NLGN1: variants seen among roughly 807,000 people sequenced by gnomAD.
The protein encoded by NLGN1 is neuroligin-1.
Under a neutral mutation model 65.5 loss-of-function variants are expected in NLGN1, and 12 were observed. The ratio of observed to expected loss-of-function variants is 0.18; its 90% CI spans 0.12 to 0.30. The LOEUF (loss-of-function observed/expected upper bound fraction) is 0.30. NLGN1 is among the 10% of genes least tolerant of loss of function. The pLI is 1.00. For synonymous variants in NLGN1, 350 were observed against 359.5 expected (o/e 0.97, Z 0.30); for missense variants, 750 against 1,007.1 (o/e 0.74, Z 3.46).
intron 4 of NLGN1, among the ~76,000 whole-genome samples, chr3:173,886,541 G>A (rs1734366310): frequency 6.6e-6 from 1 of 152,036 alleles, no homozygotes; most frequent in South Asian, 2.1e-4. Context: ...GCAAGCATCT[G>A]TTTGGTTCTC....
intron 3 of NLGN1, among the ~76,000 whole-genome samples, chr3:173,734,594 G>C (rs1051612156): frequency 1.3e-5 from 2 of 151,344 alleles, no homozygotes; most frequent in South Asian, 4.2e-4. Context: ...GTAGAGATGA[G>C]GTTTCACTAT....
intron 4 of NLGN1, among the ~76,000 whole-genome samples, chr3:173,812,561 C>G (rs1447704941): frequency 6.6e-6 from 1 of 151,630 alleles, no homozygotes; most frequent in Non-Finnish European, 1.5e-5. Context: ...GATTGTGTCT[C>G]TACAAAAAAT....
Position 174,261,169 on chromosome 3 carries a change from C to T in NLGN1, c.647-14146C>T, listed in dbSNP as rs1237554492. ...CTTAGGATTGCCTTGGCGATGCAGG[C>T]TCTTTTTTGGTTCCATATGAACTTT... On this transcript the variant is annotated intron_variant, in intron 4 of 6. Transcript: ENST00000457714. Among the ~76,000 whole-genome samples the T allele has an allele frequency of 1.4e-4, 22 of 152,136 alleles. No individual in the cohort carries two copies. The East Asian group carries it at 3.3e-3, about 23-fold the overall frequency.
chr3:173,993,348 A>G (rs554511917), intron 4 of NLGN1, among the ~76,000 whole-genome samples: 2 of 152,210 alleles, frequency 1.3e-5, no homozygotes, highest in Non-Finnish European at 2.9e-5. Flanking sequence ...AAGACATGCC[A>G]TGTGTGCACT....
intron 4 of NLGN1, among the ~76,000 whole-genome samples, chr3:174,201,299 A>C (rs1577334829): frequency 9.1e-6 from 1 of 109,856 alleles, no homozygotes; most frequent in African/African-American, 3.5e-5. Context: ...GGAAAGGGGG[A>C]GGGAGGGAGG....
chr3:174,251,299 G>A (rs1236231049), intron 4 of NLGN1, among the ~76,000 whole-genome samples: 1 of 152,036 alleles, frequency 6.6e-6, no homozygotes, highest in Non-Finnish European at 1.5e-5. Context: ...TAATATTTAG[G>A]AAAAAAAGTC....
chr3:174,289,957 A>ATATATATATATG (rs1752563810), downstream of NLGN1, among the ~76,000 whole-genome samples: 1 of 41,568 alleles, frequency 2.4e-5, no homozygotes, highest in African/African-American at 1.5e-4. Flanking sequence ...ATATATGTGT[A>ATATATATATATG]TATATATATA....
intron 4 of NLGN1, among the ~76,000 whole-genome samples, chr3:173,951,388 C>G (rs1283187390): frequency 6.6e-6 from 1 of 151,870 alleles, no homozygotes; most frequent in African/African-American, 2.4e-5. Context: ...AACTCTGAAG[C>G]CACAAATTGG....
At chr3:173,640,539 G>T (rs1757244674) in intron 3 of NLGN1, among the ~76,000 whole-genome samples, 1 of 151,904 alleles carries the variant, frequency 6.6e-6, no homozygotes, top group Non-Finnish European at 1.5e-5. Context: ...TCACCGTAAG[G>T]CTATTATCAT....
At chr3:173,975,512 TA>T (rs1299311393) in intron 4 of NLGN1, among the ~76,000 whole-genome samples, 1 of 151,986 alleles carries the variant, frequency 6.6e-6, no homozygotes, top group Non-Finnish European at 1.5e-5. Flanking sequence ...GTGAATACCT[TA>T]ATACTAAAAC....
intron 2 of NLGN1, among the ~76,000 whole-genome samples, chr3:173,515,295 T>G (rs1316368341): frequency 6.6e-6 from 1 of 152,188 alleles, no homozygotes; most frequent in Non-Finnish European, 1.5e-5. Flanking sequence ...TTTGTGTTTT[T>G]TGGAAAAATG....
At chr3:174,072,589 T>C (rs1166228680) in intron 4 of NLGN1, among the ~76,000 whole-genome samples, 1 of 152,060 alleles carries the variant, frequency 6.6e-6, no homozygotes, top group African/African-American at 2.4e-5. Flanking sequence ...GAATTAAAAT[T>C]GAGCAACGGG....
intron 4 of NLGN1, among the ~76,000 whole-genome samples, chr3:174,037,321 A>G (rs1180473660): frequency 1.3e-5 from 2 of 152,162 alleles, no homozygotes; most frequent in African/African-American, 4.8e-5. Flanking sequence ...TTGTATAGAC[A>G]TACTTTCATT....
intron 2 of NLGN1, among the ~76,000 whole-genome samples, chr3:173,590,212 A>C (rs1340261161): frequency 1.3e-5 from 2 of 152,156 alleles, no homozygotes; most frequent in African/African-American, 4.8e-5. Flanking sequence ...ATTATGTTAC[A>C]AGTCAGTGCA....
rs542334696 is a variant in NLGN1 at position 174,286,259 on chromosome 3, A to G, written c.*4956A>G. 6 of 151,654 alleles carry G rather than the reference A, an allele frequency of 4.0e-5. No homozygotes were observed. The South Asian group carries it at 6.2e-4, about 16-fold the overall frequency. The allele number at this position is 151,654 out of a possible 1,614,324, so 9.4% of individuals were successfully genotyped here. A position where few individuals can be genotyped will look rare whatever the true frequency, so the allele number is the denominator to read the frequency against. ...TGTATAACTACCTACATATGTATTAATGTGACAGAATTTAGTCCTTTATGG... is the reference window on the plus strand; with the variant it reads ...TGTATAACTACCTACATATGTATTAGTGTGACAGAATTTAGTCCTTTATGG... On this transcript the variant is annotated 3_prime_UTR_variant, in exon 7 of 7. Coordinates refer to ENST00000457714, the Ensembl canonical transcript of NLGN1.
chr3:174,241,665 T>C (rs1742851530), intron 4 of NLGN1, among the ~76,000 whole-genome samples: 1 of 148,014 alleles, frequency 6.8e-6, no homozygotes, highest in African/African-American at 2.6e-5. Context: ...TTTTTTTTTT[T>C]CTTTTTGAGA....
chr3:174,034,282 A>G (rs901704498), intron 4 of NLGN1, among the ~76,000 whole-genome samples: 5 of 152,014 alleles, frequency 3.3e-5, no homozygotes, highest in African/African-American at 1.2e-4. Flanking sequence ...GAATGAATTC[A>G]TTTTCAGCAG....
intron 3 of NLGN1, among the ~76,000 whole-genome samples, chr3:173,671,338 T>C (rs1050823626): frequency 6.6e-6 from 1 of 151,892 alleles, no homozygotes; most frequent in Non-Finnish European, 1.5e-5. Flanking sequence ...CGCCTCTACA[T>C]GAAATATAAA....
At chr3:173,732,796 A>G (rs1169583624) in intron 3 of NLGN1, among the ~76,000 whole-genome samples, 3 of 152,032 alleles carry the variant, frequency 2.0e-5, no homozygotes, top group Non-Finnish European at 4.4e-5. Context: ...TTTGATAGTG[A>G]CTTTTATTAG....
Sources: gnomAD v4.1 joint callset for allele counts (sites outside exome capture counted in the v4.1 genomes callset) on GRCh38, gnomAD v4.1.1 for gene constraint, MANE v1.5 for transcripts, NCBI Gene and HGNC (gene_info 2026-07-23, HGNC 2026-07-21) for gene names.